KIRREL1: variants seen among roughly 807,000 people sequenced by gnomAD.
KIRREL1 encodes the protein kin of IRRE-like protein 1.
In KIRREL1, 25 loss-of-function variants were observed where a neutral mutation model predicts 83.3. The ratio of observed to expected loss-of-function variants is 0.30; its 90% confidence interval spans 0.22 to 0.42. The LOEUF (loss-of-function observed/expected upper bound fraction) is 0.42, where lower values mean the gene tolerates loss of function less well. Among genes scored for constraint, KIRREL1 ranks in the 10% least tolerant of loss-of-function variants. KIRREL1 has a pLI of 1.00. For synonymous variants in KIRREL1, 388 were observed against 410.4 expected (o/e 0.95, Z 0.66); for missense variants, 812 against 1,032.3 (o/e 0.79, Z 2.92).
chr1:158,077,929 G>A (rs1052114931), intron 2 of KIRREL1, 62 bp from the exon 3 acceptor site: 1 of 1,587,408 alleles, frequency 6.3e-7, no homozygotes, highest in Admixed American at 1.7e-5. Context: ...GAGTACTGGT[G>A]TGGGATGGCT....
rs750817374 is a variant in KIRREL1 at position 158,095,138 on chromosome 1, G to A, written c.*18G>A. ...ACGTGTAGGGGCCAGAGCCTGGCTG[G>A]GGCATCTCTGCGGGGCAGAGGAGAA... On this transcript the variant is annotated 3_prime_UTR_variant, in exon 15 of 15. Transcript: ENST00000359209. 1.9e-6 allele frequency: 3 copies of A among 1,541,724 alleles called. No homozygotes were observed. Among genetic ancestry groups the A allele is most frequent in the Non-Finnish European group, 8.9e-7 (1 of 1,128,830 alleles).
chr1:158,072,384 C>A (rs1661539974), intron 1 of KIRREL1, among the ~76,000 whole-genome samples: 1 of 152,174 alleles, frequency 6.6e-6, no homozygotes, highest in African/African-American at 2.4e-5. Context: ...AGGCAGCAGG[C>A]CCTGCACCTG....
At chr1:158,056,289 A>G (rs1308790409) in intron 1 of KIRREL1, among the ~76,000 whole-genome samples, 1 of 152,040 alleles carries the variant, frequency 6.6e-6, no homozygotes, top group Non-Finnish European at 1.5e-5. Flanking sequence ...AAGCCCCTGC[A>G]GTGGTGATGA....
intron 1 of KIRREL1, among the ~76,000 whole-genome samples, chr1:158,064,933 C>CTTTTTT (rs869035914): frequency 2.4e-5 from 2 of 82,710 alleles, no homozygotes; most frequent in African/African-American, 4.0e-5. Context: ...ACCTGCTGGT[C>CTTTTTT]TTTTTTTTTT....
At chr1:158,075,348 G>T (rs1485665706) in intron 1 of KIRREL1, among the ~76,000 whole-genome samples, 2 of 152,238 alleles carry the variant, frequency 1.3e-5, no homozygotes, top group Admixed American at 6.5e-5. Context: ...AAGTCACGTG[G>T]CCTCTCAGCT....
At chr1:158,023,105 C>G (rs2101655877) in intron 1 of KIRREL1, among the ~76,000 whole-genome samples, 1 of 152,320 alleles carries the variant, frequency 6.6e-6, no homozygotes, top group South Asian at 2.1e-4. Flanking sequence ...GAAGGTTATG[C>G]CTTTTTCTTC....
At chr1:158,006,429 C>T (rs750227165) in intron 1 of KIRREL1, among the ~76,000 whole-genome samples, 1 of 152,180 alleles carries the variant, frequency 6.6e-6, no homozygotes, top group Admixed American at 6.5e-5. Context: ...ATAACATTTT[C>T]CACAACAGGT....
chr1:158,044,440 T>TAAC (rs1660720191), intron 1 of KIRREL1, among the ~76,000 whole-genome samples: 1 of 152,216 alleles, frequency 6.6e-6, no homozygotes, highest in Non-Finnish European at 1.5e-5. Context: ...CCAAAAATTA[T>TAAC]AACAGATTTA....
intron 2 of KIRREL1, among the ~76,000 whole-genome samples, 159 bp from the exon 3 acceptor site, chr1:158,077,832 G>A (rs926738999): frequency 1.8e-4 from 28 of 152,156 alleles, no homozygotes; most frequent in African/African-American, 6.5e-4. Context: ...TCCCAGCCTC[G>A]CCGTGAGGTG....
Position 158,095,003 on chromosome 1 carries a change from C to A in KIRREL1, c.2157C>A (p.Thr719=), listed in dbSNP as rs1410650521. The change falls in exon 15 of 15, where the codon ACC becomes ACA. Residue 719 remains threonine, a synonymous_variant. Transcript: ENST00000359209. ...PQAPPSGLER[T]PYEAYDPIGK... is the part of the protein sequence containing the mutation. Reference sequence around the variant, plus strand: ...CCCCACCCTCTGGCCTGGAGCGGACCCCATATGAGGCGTATGACCCCATTG... The same window carrying A: ...CCCCACCCTCTGGCCTGGAGCGGACACCATATGAGGCGTATGACCCCATTG... 6.2e-7 allele frequency: 1 copy of A among 1,614,008 alleles called. No individual in the cohort carries two copies. Among genetic ancestry groups the A allele is most frequent in the South Asian group, 1.1e-5 (1 of 91,076 alleles).
At chr1:158,052,291 G>A (rs72711938) in intron 1 of KIRREL1, among the ~76,000 whole-genome samples, 2,904 of 152,102 alleles carry the variant, frequency 0.019, 52 homozygotes, top group Non-Finnish European at 0.028. Context: ...GAACTGTCCC[G>A]CTCCCAGCCA....
intron 1 of KIRREL1, chr1:158,030,673 T>C (rs1319237511): frequency 6.6e-6 from 1 of 152,232 alleles, no homozygotes; most frequent in South Asian, 2.1e-4. Context: ...TTTTGCAAAT[T>C]GTGAAATTAC....
At chr1:158,022,835 T>C (rs1334112774) in intron 1 of KIRREL1, among the ~76,000 whole-genome samples, 6 of 152,304 alleles carry the variant, frequency 3.9e-5, no homozygotes, top group Middle Eastern at 3.4e-3. Flanking sequence ...GCCAGCGCCC[T>C]AGCCTGTTTC....
intron 3 of KIRREL1, among the ~76,000 whole-genome samples, chr1:158,083,832 G>A (rs930931781): frequency 6.6e-6 from 1 of 152,106 alleles, no homozygotes; most frequent in African/African-American, 2.4e-5. Context: ...CTGAGCAACT[G>A]TAGGGGTATG....
At chr1:158,081,255 G>T (rs894349907) in intron 3 of KIRREL1, among the ~76,000 whole-genome samples, 2 of 152,162 alleles carry the variant, frequency 1.3e-5, no homozygotes, top group Non-Finnish European at 2.9e-5. Context: ...GAGCACATTT[G>T]TTTATCCTCT....
chr1:158,095,059 A>G lies in KIRREL1; in HGVS notation c.2213A>G (p.Tyr738Cys). Residue 738 changes from tyrosine (Y) to cysteine (C), a missense_variant, in exon 15 of 15, where the codon TAC becomes TGC. Physicochemically the swap from Tyr to Cys is radical, Grantham distance 194 (BLOSUM62 -2). Transcript: ENST00000359209. ...GKYATATRFS[Y>C]TSQHSDYGQR... ...TACGCCACAGCCACTCGATTCTCCTACACCTCCCAGCACTCGGACTACGGC... is the reference window on the plus strand; with the variant it reads ...TACGCCACAGCCACTCGATTCTCCTGCACCTCCCAGCACTCGGACTACGGC... 6.2e-7 allele frequency: 1 copy of G among 1,613,040 alleles called. No homozygotes were observed. Among genetic ancestry groups the G allele is most frequent in the South Asian group, 1.1e-5 (1 of 90,996 alleles).
chr1:158,058,617 G>A (rs747082081), intron 1 of KIRREL1, among the ~76,000 whole-genome samples: 3 of 152,190 alleles, frequency 2.0e-5, no homozygotes, highest in African/African-American at 4.8e-5. Context: ...TGCAGGTCTC[G>A]GGGAGCTAGT....
At chr1:158,078,969 C>G (rs998753224) in intron 3 of KIRREL1, among the ~76,000 whole-genome samples, 1 of 152,070 alleles carries the variant, frequency 6.6e-6, no homozygotes, top group Non-Finnish European at 1.5e-5. Context: ...CCCTCACCCA[C>G]TCAGCCCCCA....
At chr1:158,009,150 G>C (rs1008228549) in intron 1 of KIRREL1, among the ~76,000 whole-genome samples, 1 of 152,108 alleles carries the variant, frequency 6.6e-6, no homozygotes, top group African/African-American at 2.4e-5. Flanking sequence ...TCTGTCCCTC[G>C]TTCCTGTTCC....
Sources: gnomAD v4.1 joint callset for allele counts (sites outside exome capture counted in the v4.1 genomes callset) on GRCh38, gnomAD v4.1.1 for gene constraint, MANE v1.5 for transcripts, NCBI Gene and HGNC (gene_info 2026-07-23, HGNC 2026-07-21) for gene names.